The following PPP2R2D variants were observed in gnomAD, a reference collection of about 807,000 sequenced individuals.
PPP2R2D encodes the protein protein phosphatase 2 regulatory subunit Bdelta, also known as serine/threonine-protein phosphatase 2A 55 kDa regulatory subunit B delta isoform.
Under a neutral mutation model 31.1 loss-of-function variants are expected in PPP2R2D, and 9 were observed. The ratio of observed to expected loss-of-function variants is 0.29; its 90% CI spans 0.17 to 0.51. PPP2R2D has a LOEUF of 0.51. Among genes scored for constraint, PPP2R2D ranks in the 20% least tolerant of loss-of-function variants. The pLI is 0.98. For synonymous variants in PPP2R2D, 179 were observed against 172.6 expected (o/e 1.04, Z -0.29); for missense variants, 391 against 465.6 (o/e 0.84, Z 1.48).
intron 2 of PPP2R2D, among the ~76,000 whole-genome samples, chr10:131,922,679 C>T (rs912715683): frequency 6.6e-6 from 1 of 151,982 alleles, no homozygotes; most frequent in Non-Finnish European, 1.5e-5. Context: ...AACTCCTGAC[C>T]TCGTGATCCG....
rs1554900704 is a variant in PPP2R2D at position 131,958,430 on chromosome 10, C to G, written c.*2467C>G. On this transcript the variant is annotated 3_prime_UTR_variant, in exon 9 of 9. Transcript: ENST00000455566. The stretch of plus-strand genomic sequence containing the variant: ...ATGGAGGTGTGTGCTGATCCCCCAT[C>G]CCCCTGTGGGGATGAAGGTGTGTGC... 5.1e-6 allele frequency: 1 copy of G among 197,358 alleles called. No individual in the cohort carries two copies. The highest frequency in any genetic ancestry group is 1.9e-4 in the East Asian group (1 of 5,336). The allele number at this position is 197,358 out of a possible 1,614,324, so 12.2% of individuals were successfully genotyped here. A position where few individuals can be genotyped will look rare whatever the true frequency, so the allele number is the denominator to read the frequency against.
chr10:131,944,596 A>G (rs1195876286), intron 6 of PPP2R2D, among the ~76,000 whole-genome samples: 1 of 152,122 alleles, frequency 6.6e-6, no homozygotes, highest in Admixed American at 6.5e-5. Context: ...CCCTCCTCAC[A>G]TGGGCCCCTT....
chr10:131,918,212 G>A (rs2035863089), intron 2 of PPP2R2D, among the ~76,000 whole-genome samples: 1 of 150,060 alleles, frequency 6.7e-6, no homozygotes, highest in Non-Finnish European at 1.5e-5. Flanking sequence ...ACCTCAGGCA[G>A]GTGGAATGAC....
rs576404647 is a variant in PPP2R2D, at chr10:131,948,727, A to G, written c.1082+936A>G. Among the ~76,000 whole-genome samples, 27 of 152,332 alleles carry G rather than the reference A, an allele frequency of 1.8e-4. 1 individual carries two copies. Among genetic ancestry groups the G allele is most frequent in the South Asian group, 1.7e-3 (8 of 4,824 alleles). On this transcript the variant is annotated intron_variant, in intron 8 of 8. Transcript: ENST00000455566. ...CCTGTGAACAGCAGGTTATGGTGCA[A>G]AGCTGAAGCCTTGTCCCACACGAGG...
chr10:131,915,203 A>G (rs868939572), intron 2 of PPP2R2D, among the ~76,000 whole-genome samples: 7 of 152,126 alleles, frequency 4.6e-5, no homozygotes, highest in Middle Eastern at 6.3e-3. Flanking sequence ...AAAAGAAAGC[A>G]AAACAAAAAC....
rs1343482871 is a variant in PPP2R2D, at chr10:131,945,026, A to G, written c.656-269A>G. Among the ~76,000 whole-genome samples, 1 of 152,130 alleles carries G rather than the reference A, an allele frequency of 6.6e-6. No individual in the cohort carries two copies. The highest frequency in any genetic ancestry group is 2.1e-4 in the South Asian group (1 of 4,824). ...TATCTTGCTATTAAGGGCTTTCTGTATAACATTAATAATAGCAGCAAGATG... is the reference window on the plus strand; with the variant it reads ...TATCTTGCTATTAAGGGCTTTCTGTGTAACATTAATAATAGCAGCAAGATG... On this transcript the variant is annotated intron_variant, in intron 6 of 8. Coordinates refer to ENST00000455566, the MANE Select transcript of PPP2R2D (RefSeq NM_018461.5). This position sits in a 1 kb window ranked among gnomAD's most constrained non-coding sequence, Gnocchi z 4.8.
chr10:131,923,435 CAT>C (rs1364114385), intron 2 of PPP2R2D, among the ~76,000 whole-genome samples: 8 of 152,298 alleles, frequency 5.3e-5, no homozygotes, highest in South Asian at 2.1e-4. Flanking sequence ...TTTGTATAGA[CAT>C]GTGTTTTCTG....
chr10:131,932,643 T>C (rs2036257585), intron 2 of PPP2R2D, among the ~76,000 whole-genome samples: 2 of 38,444 alleles, frequency 5.2e-5, no homozygotes, highest in East Asian at 5.3e-4. Flanking sequence ...CTCCAGCCTG[T>C]CTCAAAAAAA....
Position 131,947,219 on chromosome 10 carries a change from T to G in PPP2R2D, c.821-311T>G, listed in dbSNP as rs1239853623. On this transcript the variant is annotated intron_variant, in intron 7 of 8. Coordinates refer to ENST00000455566, the MANE Select transcript of PPP2R2D (RefSeq NM_018461.5). The surrounding 1 kb of genome is among the most constrained non-coding windows in gnomAD (Gnocchi z 4.3). ...CACACATCAGGATGCCCCGAGGAGCTCCCACAGATGGCAGTGCCCAGGACC... is the reference window on the plus strand; with the variant it reads ...CACACATCAGGATGCCCCGAGGAGCGCCCACAGATGGCAGTGCCCAGGACC... 1.3e-5 allele frequency among the ~76,000 whole-genome samples: 2 copies of G among 152,172 alleles called. No homozygotes were observed. The highest frequency in any genetic ancestry group is 4.8e-5 in the African/African-American group (2 of 41,442).
chr10:131,926,441 C>G (rs782818634), intron 2 of PPP2R2D, among the ~76,000 whole-genome samples: 9 of 152,116 alleles, frequency 5.9e-5, no homozygotes, highest in Non-Finnish European at 1.0e-4. Context: ...CTCTGGGAGG[C>G]TGAGGCAGGA....
chr10:131,943,959 C>A lies in PPP2R2D; in HGVS notation c.478-9C>A. The A allele has an allele frequency of 2.4e-6, 2 of 827,348 alleles. No homozygotes were observed. The highest frequency in any genetic ancestry group is 1.4e-5 in the South Asian group (1 of 73,718). 51.3% of individuals were successfully genotyped at this position (827,348 alleles called of 1,614,324 possible). On this transcript the variant is annotated splice_polypyrimidine_tract_variant and intron_variant, in intron 5 of 8. Transcript: ENST00000455566. ...TTTGTTTTGAATTCCTATTTCCTTC[C>A]ATTTTTAGGTCCCAATATTGAAGCC...
intron 3 of PPP2R2D, among the ~76,000 whole-genome samples, chr10:131,936,682 G>A (rs933494070): frequency 1.3e-4 from 20 of 152,120 alleles, no homozygotes; most frequent in African/African-American, 4.1e-4. Flanking sequence ...CAAGCATCTC[G>A]TTCTAAAAGA....
Position 131,957,239 on chromosome 10 carries a change from T to TTCC in PPP2R2D, c.*1281_*1283dup, listed in dbSNP as rs1256120750. 3.8e-5 allele frequency: 6 copies of TTCC among 159,494 alleles called. No homozygotes were observed. The highest frequency in any genetic ancestry group is 1.5e-4 in the African/African-American group (6 of 41,098). 9.9% of individuals were successfully genotyped at this position (159,494 alleles called of 1,614,324 possible). ...CTGTGGAGATGAAGGTGTGTGTTGATTCCTCCTGCTGCTGTGGAGATGGAG... is the reference window on the plus strand; with the variant it reads ...CTGTGGAGATGAAGGTGTGTGTTGATTCCTCCTCCTGCTGCTGTGGAGATGGAG... On this transcript the variant is annotated 3_prime_UTR_variant, in exon 9 of 9. Coordinates refer to ENST00000455566, the MANE Select transcript of PPP2R2D (RefSeq NM_018461.5).
At chr10:131,926,055 A>G (rs1307555428) in intron 2 of PPP2R2D, among the ~76,000 whole-genome samples, 1 of 152,196 alleles carries the variant, frequency 6.6e-6, no homozygotes, top group African/African-American at 2.4e-5. Flanking sequence ...CCCCATGCAC[A>G]ATGACCTGGG....
Position 131,956,601 on chromosome 10 carries a change from A to AG in PPP2R2D, c.*641dup. On this transcript the variant is annotated 3_prime_UTR_variant, in exon 9 of 9. Transcript: ENST00000455566. Reference sequence around the variant, plus strand: ...TTTATTGCATAGAATGAAGTTATGCAGGGTTCTTCTTTGGAACTAACTGTT... The same window carrying AG: ...TTTATTGCATAGAATGAAGTTATGCAGGGGTTCTTCTTTGGAACTAACTGTT... The AG allele has an allele frequency of 2.0e-6, 2 of 975,672 alleles. No individual in the cohort carries two copies. Among genetic ancestry groups the AG allele is most frequent in the Non-Finnish European group, 2.4e-6 (2 of 820,974 alleles). 60.4% of individuals were successfully genotyped at this position (975,672 alleles called of 1,614,324 possible).
chr10:131,926,206 G>A lies in PPP2R2D; in HGVS notation c.101-8252G>A, dbSNP rs191465883. On this transcript the variant is annotated intron_variant, in intron 2 of 8. Coordinates refer to ENST00000455566, the MANE Select transcript of PPP2R2D (RefSeq NM_018461.5). Reference sequence around the variant, plus strand: ...TGTCTCTAGAGTCTTACTGGGTCTCGGACATAAATAGTTTTCCATTTTTTT... The same window carrying A: ...TGTCTCTAGAGTCTTACTGGGTCTCAGACATAAATAGTTTTCCATTTTTTT... Among the ~76,000 whole-genome samples the A allele has an allele frequency of 1.2e-4, 18 of 152,136 alleles. No homozygotes were observed. The East Asian group carries it at 2.3e-3, about 20-fold the overall frequency.
downstream of PPP2R2D, among the ~76,000 whole-genome samples, chr10:131,964,477 C>T (rs899302443): frequency 6.6e-5 from 10 of 151,966 alleles, no homozygotes; most frequent in Non-Finnish European, 1.3e-4. Context: ...TGCACAGCTC[C>T]GGCTCAAACC....
chr10:131,905,771 C>T (rs1474997454), intron 2 of PPP2R2D, among the ~76,000 whole-genome samples: 5 of 152,208 alleles, frequency 3.3e-5, no homozygotes, highest in African/African-American at 7.2e-5. Flanking sequence ...GCCGACTGGC[C>T]GCAGAGCCGT....
chr10:131,938,755 C>T (rs2036388844), intron 3 of PPP2R2D, among the ~76,000 whole-genome samples: 2 of 152,326 alleles, frequency 1.3e-5, no homozygotes, highest in Admixed American at 6.5e-5. Flanking sequence ...TCAGCGGCTT[C>T]GTGGTGGTCC....
Sources: gnomAD v4.1 joint callset for allele counts (sites outside exome capture counted in the v4.1 genomes callset) on GRCh38, gnomAD v4.1.1 for gene constraint, Gnocchi (gnomAD v3.1) non-coding constraint, MANE v1.5 for transcripts, NCBI Gene and HGNC (gene_info 2026-07-23, HGNC 2026-07-21) for gene names.